Variants in CADM2 observed in about 807,000 individuals in gnomAD.
CADM2 encodes immunoglobulin superfamily member 4D.
A neutral mutation model predicts 49.8 loss-of-function variants in CADM2; 12 were observed. The observed-to-expected ratio is 0.24, with a 90% confidence interval of 0.15 to 0.39. The LOEUF (loss-of-function observed/expected upper bound fraction) is 0.39, where lower values mean the gene tolerates loss of function less well. Ranked by LOEUF, CADM2 falls within the 10% of genes least tolerant of loss-of-function variation. The pLI is 1.00. For synonymous variants in CADM2, 214 were observed against 175.4 expected (o/e 1.22, Z -1.74); for missense variants, 378 against 492.3 (o/e 0.77, Z 2.20).
intron 8 of CADM2, among the ~76,000 whole-genome samples, chr3:85,990,402 T>C (rs1036671666): frequency 4.6e-5 from 7 of 152,180 alleles, no homozygotes; most frequent in Non-Finnish European, 8.8e-5. Flanking sequence ...GTGTATTAAA[T>C]ACATTTTTGA....
intron 1 of CADM2, among the ~76,000 whole-genome samples, chr3:85,060,025 A>G (rs1031434346): frequency 6.6e-6 from 1 of 152,158 alleles, no homozygotes; most frequent in African/African-American, 2.4e-5. Flanking sequence ...AATTTCAGTA[A>G]TTCTCGATTT....
intron 3 of CADM2, among the ~76,000 whole-genome samples, chr3:85,814,518 A>T (rs985922703): frequency 2.0e-5 from 3 of 152,142 alleles, no homozygotes; most frequent in African/African-American, 7.2e-5. Context: ...AAGAACTAAG[A>T]TCAGAGCAGA....
intron 5 of CADM2, 100 bp from the exon 6 acceptor site, chr3:85,912,273 T>C: frequency 1.3e-6 from 1 of 797,386 alleles, no homozygotes; most frequent in South Asian, 2.2e-5. Context: ...TTCTTAAAAA[T>C]TGATAAAAAT....
At chr3:85,463,873 C>T (rs368771806) in intron 1 of CADM2, among the ~76,000 whole-genome samples, 5 of 152,186 alleles carry the variant, frequency 3.3e-5, no homozygotes, top group South Asian at 4.1e-4. Context: ...AATTGCAATA[C>T]GTTTTATGCC....
At chr3:85,219,186 T>G (rs1457242984) in intron 1 of CADM2, among the ~76,000 whole-genome samples, 1 of 152,218 alleles carries the variant, frequency 6.6e-6, no homozygotes, top group Non-Finnish European at 1.5e-5. Flanking sequence ...ACACTCCAAA[T>G]GTAAACAATG....
At chr3:85,036,997 GAAAAAAAAA>G (rs10566030) in intron 1 of CADM2, among the ~76,000 whole-genome samples, 1 of 77,998 alleles carries the variant, frequency 1.3e-5, no homozygotes, top group Non-Finnish European at 2.6e-5. Context: ...ACTAAAAATA[GAAAAAAAAA>G]AAAAAAAAAA....
intron 1 of CADM2, among the ~76,000 whole-genome samples, chr3:85,447,756 A>C (rs1342002295): frequency 1.3e-5 from 2 of 152,160 alleles, no homozygotes; most frequent in Non-Finnish European, 2.9e-5. Context: ...CAGAAGTCTC[A>C]AGGGTTTTAT....
intron 6 of CADM2, among the ~76,000 whole-genome samples, chr3:85,919,564 A>G (rs1038874997): frequency 2.0e-5 from 3 of 151,934 alleles, no homozygotes; most frequent in African/African-American, 7.2e-5. Context: ...AAGGGGTTAA[A>G]TGGTCAATTG....
At chr3:84,978,201 T>G (rs141321640) in intron 1 of CADM2, among the ~76,000 whole-genome samples, 1 of 152,282 alleles carries the variant, frequency 6.6e-6, no homozygotes, top group Non-Finnish European at 1.5e-5. Flanking sequence ...TCTTTCTTGT[T>G]AACGTGTATG....
chr3:85,856,932 G>T (rs2075339601), intron 3 of CADM2, among the ~76,000 whole-genome samples: 1 of 152,110 alleles, frequency 6.6e-6, no homozygotes, highest in Non-Finnish European at 1.5e-5. Flanking sequence ...TTTTCTGAAG[G>T]ATGTTGTCTT....
In CADM2 at chr3:85,347,588, CATATATATACATATATAT is replaced by C. The variant is rs1159710766; in HGVS notation, c.62-378932_62-378915del. 2.2e-5 allele frequency among the ~76,000 whole-genome samples: 3 copies of C among 139,268 alleles called. No individual in the cohort carries two copies. In the Admixed American group the frequency reaches 2.2e-4, roughly 10 times the overall value. 91.4% of individuals were successfully genotyped at this position (139,268 alleles called of 152,430 possible). On this transcript the variant is annotated intron_variant, in intron 1 of 9. Coordinates refer to ENST00000383699, the MANE Select transcript of CADM2 (RefSeq NM_001167675.2). ...ATATATAAATATATATACATATATA[CATATATATACATATATAT>C]AAAAATATATATACATATATATAAA...
intron 1 of CADM2, among the ~76,000 whole-genome samples, chr3:85,446,116 G>T (rs1397890731): frequency 6.6e-6 from 1 of 151,968 alleles, no homozygotes; most frequent in Non-Finnish European, 1.5e-5. Flanking sequence ...TCTCTAGTAG[G>T]CTGTAAATTT....
intron 1 of CADM2, among the ~76,000 whole-genome samples, chr3:85,375,089 T>C (rs2033508133): frequency 6.6e-6 from 1 of 152,202 alleles, no homozygotes; most frequent in African/African-American, 2.4e-5. Flanking sequence ...TTGCTAAATA[T>C]GTGATTTAAT....
At chr3:85,974,119 A>C (rs1363075967) in intron 8 of CADM2, among the ~76,000 whole-genome samples, 1 of 151,746 alleles carries the variant, frequency 6.6e-6, no homozygotes, top group Non-Finnish European at 1.5e-5. Context: ...AAACACATAA[A>C]TATAAACATG....
chr3:85,777,370 C>T (rs754703573), intron 2 of CADM2, among the ~76,000 whole-genome samples: 11 of 151,982 alleles, frequency 7.2e-5, no homozygotes, highest in Non-Finnish European at 1.0e-4. Context: ...ATTCTCTTGC[C>T]TCAGCCTCTG....
At chr3:85,237,399 C>T (rs2042431785) in intron 1 of CADM2, among the ~76,000 whole-genome samples, 1 of 151,520 alleles carries the variant, frequency 6.6e-6, no homozygotes, top group Non-Finnish European at 1.5e-5. Context: ...GGAGAATAAT[C>T]CTAATTTTAC....
chr3:85,657,507 C>T (rs889841720), intron 1 of CADM2, among the ~76,000 whole-genome samples: 3 of 151,758 alleles, frequency 2.0e-5, no homozygotes, highest in African/African-American at 7.3e-5. Context: ...CAAATGACAT[C>T]ATTAGAATTT....
intron 8 of CADM2, among the ~76,000 whole-genome samples, chr3:86,032,092 A>T (rs1263187859): frequency 2.0e-5 from 3 of 151,754 alleles, no homozygotes; most frequent in Non-Finnish European, 4.4e-5. Flanking sequence ...TTTACTTTTT[A>T]AATTTAATTT....
intron 1 of CADM2, among the ~76,000 whole-genome samples, chr3:85,351,733 A>C (rs1310753871): frequency 6.6e-6 from 1 of 152,164 alleles, no homozygotes; most frequent in Non-Finnish European, 1.5e-5. Context: ...AAGGTTTTTA[A>C]AGCCTGGGCC....
Sources: allele counts gnomAD v4.1 joint callset (sites outside exome capture counted in the v4.1 genomes callset), GRCh38; gene constraint gnomAD v4.1.1; transcripts MANE v1.5; gene names NCBI Gene and HGNC (gene_info 2026-07-23, HGNC 2026-07-21).